Variants in PRIM2 observed in about 807,000 individuals in gnomAD.
The protein encoded by PRIM2 is DNA primase subunit 2.
Under a neutral mutation model 67.3 loss-of-function variants are expected in PRIM2, and 39 were observed. That is an observed-to-expected ratio of 0.58 (90% CI 0.45 to 0.76). The LOEUF is 0.76. PRIM2 is among the 30% of genes least tolerant of loss of function. The pLI is 0.00. For missense variants in PRIM2, 398 were observed against 598.7 expected, an observed-to-expected ratio of 0.66 and a Z score of 3.50; for synonymous variants, 143 against 198.7, an observed-to-expected ratio of 0.72 and a Z score of 2.36.
the PRIM2 span, among the ~76,000 whole-genome samples, chr6:57,302,504 A>G: frequency 6.6e-6 from 1 of 152,248 alleles, no homozygotes; most frequent in East Asian, 1.9e-4. Context: ...ACTTATGGTT[A>G]AGAAATAAAT....
intron 7 of PRIM2, among the ~76,000 whole-genome samples, chr6:57,451,380 A>T (rs1772543817): frequency 1.3e-5 from 2 of 152,100 alleles, no homozygotes; most frequent in Non-Finnish European, 1.5e-5. Context: ...ACCTCAAGTG[A>T]TCTACCACCT....
At chr6:57,602,523 C>G (rs1776489157) in intron 11 of PRIM2, among the ~76,000 whole-genome samples, 8 of 152,260 alleles carry the variant, frequency 5.3e-5, no homozygotes, top group Admixed American at 5.2e-4. Context: ...GGTCCAGGTA[C>G]TTCTGTTGAG....
chr6:57,597,220 G>A (rs1253080316), intron 10 of PRIM2, among the ~76,000 whole-genome samples: 19 of 152,244 alleles, frequency 1.2e-4, no homozygotes, highest in East Asian at 3.9e-4. Context: ...TTTTGAGGAA[G>A]CAATGTCTTC....
chr6:57,563,283 A>G (rs1208505950), intron 10 of PRIM2, among the ~76,000 whole-genome samples: 2 of 127,276 alleles, frequency 1.6e-5, no homozygotes, highest in African/African-American at 2.8e-5. Context: ...CTGAAAGTCT[A>G]CTGAACATAA....
At chr6:57,317,762 C>T (rs1381930399) in intron 1 of PRIM2, 61 bp downstream of exon 1, 1 of 152,594 alleles carries the variant, frequency 6.6e-6, no homozygotes, top group Admixed American at 6.5e-5. Context: ...GCTTGCAAGT[C>T]GAGAGAAAGG....
At chr6:57,468,244 C>T (rs1424221676) in intron 7 of PRIM2, among the ~76,000 whole-genome samples, 15 of 152,096 alleles carry the variant, frequency 9.9e-5, no homozygotes, top group African/African-American at 2.4e-4. Flanking sequence ...TTGCCCATTC[C>T]GTATGATATT....
At chr6:57,413,602 A>G (rs1268834584) in intron 7 of PRIM2, among the ~76,000 whole-genome samples, 3 of 152,092 alleles carry the variant, frequency 2.0e-5, no homozygotes, top group Admixed American at 1.3e-4. Context: ...GGTCATAAAC[A>G]TCCAGGGAGT....
At chr6:57,522,812 A>G (rs1478207482) in intron 8 of PRIM2, among the ~76,000 whole-genome samples, 1 of 152,224 alleles carries the variant, frequency 6.6e-6, no homozygotes, top group Non-Finnish European at 1.5e-5. Flanking sequence ...CATTTGGCTA[A>G]TGGATACTAT....
At chr6:57,413,115 C>T (rs113489154) in intron 7 of PRIM2, among the ~76,000 whole-genome samples, 1,960 of 151,170 alleles carry the variant, frequency 0.013, 42 homozygotes, top group South Asian at 0.037. Context: ...ACCACTTCAG[C>T]CTTGCAACTA....
the PRIM2 span, among the ~76,000 whole-genome samples, chr6:57,257,285 T>TG: frequency 1.1e-3 from 164 of 146,860 alleles, 3 homozygotes; most frequent in South Asian, 0.025. Flanking sequence ...TTTTTTTTTT[T>TG]TGTGAGATGG....
intron 10 of PRIM2, among the ~76,000 whole-genome samples, chr6:57,555,332 C>T (rs1236784801): frequency 0.024 from 3,654 of 150,986 alleles, 150 homozygotes; most frequent in African/African-American, 0.082. Context: ...CAGGCGGGAG[C>T]GCAGTGACAT....
chr6:57,456,982 C>T (rs1394029251), intron 7 of PRIM2, among the ~76,000 whole-genome samples: 2,384 of 152,228 alleles, frequency 0.016, 68 homozygotes, highest in African/African-American at 0.054. Context: ...GATGTTCTTT[C>T]TGTTTGTTAG....
At chr6:57,362,531 A>G (rs1769236234) in intron 5 of PRIM2, among the ~76,000 whole-genome samples, 1 of 152,090 alleles carries the variant, frequency 6.6e-6, no homozygotes, top group Non-Finnish European at 1.5e-5. Flanking sequence ...TTATCATTAT[A>G]TCTTTCATGA....
chr6:57,550,787 T>C lies in PRIM2; in HGVS notation c.1020+13162T>C, dbSNP rs1428688613. On this transcript the variant is annotated intron_variant, in intron 10 of 13. Coordinates refer to ENST00000615550, the MANE Select transcript of PRIM2 (RefSeq NM_000947.5). ...TAGGGGAAAATGACAATAAAATATG[T>C]ATCTTCTTAAAAAGATGCCAGTTTA... Among the ~76,000 whole-genome samples, 4 of 152,336 alleles carry C rather than the reference T, an allele frequency of 2.6e-5. No individual in the cohort carries two copies. In the East Asian group the frequency reaches 5.8e-4, roughly 22 times the overall value.
chr6:57,304,478 T>A, the PRIM2 span, among the ~76,000 whole-genome samples: 1 of 152,198 alleles, frequency 6.6e-6, no homozygotes, highest in Non-Finnish European at 1.5e-5. Flanking sequence ...AATCAGAGTT[T>A]GTAGAAAAAC....
intron 7 of PRIM2, among the ~76,000 whole-genome samples, chr6:57,389,795 T>C (rs912938024): frequency 2.0e-5 from 3 of 152,146 alleles, no homozygotes; most frequent in African/African-American, 7.2e-5. Flanking sequence ...TCAATTTTCT[T>C]CCTTAAACTG....
At chr6:57,265,400 G>A in the PRIM2 span, among the ~76,000 whole-genome samples, 1 of 152,184 alleles carries the variant, frequency 6.6e-6, no homozygotes, top group South Asian at 2.1e-4. Flanking sequence ...TTTCAAGTCA[G>A]CTCTTTAATA....
At chr6:57,260,870 A>G in the PRIM2 span, among the ~76,000 whole-genome samples, 3 of 152,230 alleles carry the variant, frequency 2.0e-5, no homozygotes, top group Non-Finnish European at 4.4e-5. Flanking sequence ...CAGCAGGAAA[A>G]TCAAGAATTC....
intron 7 of PRIM2, among the ~76,000 whole-genome samples, chr6:57,397,541 A>G (rs1186309630): frequency 2.0e-5 from 3 of 152,008 alleles, no homozygotes; most frequent in Admixed American, 6.6e-5. Flanking sequence ...TCTTTAAGCT[A>G]TCTATTTCCT....
Sources: gnomAD v4.1 joint callset for allele counts (sites outside exome capture counted in the v4.1 genomes callset) on GRCh38, gnomAD v4.1.1 for gene constraint, MANE v1.5 for transcripts, NCBI Gene and HGNC (gene_info 2026-07-23, HGNC 2026-07-21) for gene names.